CATSPERT: variants seen among roughly 807,000 people sequenced by gnomAD.
The protein encoded by CATSPERT is catsper channel auxiliary subunit tau.
chr2:201,492,917 C>CT, the CATSPERT span: 1 of 1,536,580 alleles, frequency 6.5e-7, no homozygotes, highest in Non-Finnish European at 8.7e-7. Flanking sequence ...ACTTCTGACT[C>CT]TGAGAGTTCT....
chr2:201,573,884 C>T, the CATSPERT span, among the ~76,000 whole-genome samples: 3 of 152,076 alleles, frequency 2.0e-5, no homozygotes, highest in African/African-American at 4.8e-5. Flanking sequence ...CTCGAACTCC[C>T]AGCCTCAGGT....
the CATSPERT span, among the ~76,000 whole-genome samples, chr2:201,585,206 G>C: frequency 6.6e-6 from 1 of 152,012 alleles, no homozygotes; most frequent in East Asian, 1.9e-4. Flanking sequence ...ACACAGGGGA[G>C]GGGAACATCA....
the CATSPERT span, among the ~76,000 whole-genome samples, chr2:201,600,990 T>C: frequency 6.6e-6 from 1 of 152,190 alleles, no homozygotes; most frequent in Admixed American, 6.5e-5. Context: ...CATCAAGTAA[T>C]CTGCCCACTT....
At chr2:201,589,375 C>G in the CATSPERT span, among the ~76,000 whole-genome samples, 1 of 152,164 alleles carries the variant, frequency 6.6e-6, no homozygotes, top group East Asian at 1.9e-4. Flanking sequence ...GCTACGTAAC[C>G]AAAACAGCAT....
chr2:201,573,247 G>A, the CATSPERT span, among the ~76,000 whole-genome samples: 259 of 152,328 alleles, frequency 1.7e-3, 1 homozygote, highest in Non-Finnish European at 7.8e-4. Context: ...AAAAGTATTT[G>A]TGGCAATGTG....
At chr2:201,557,146 G>A in the CATSPERT span, 1 of 152,036 alleles carries the variant, frequency 6.6e-6, no homozygotes, top group African/African-American at 2.4e-5. Flanking sequence ...CTGTACCAGT[G>A]GCACTTTCTG....
chr2:201,586,484 A>T, the CATSPERT span, among the ~76,000 whole-genome samples: 5 of 152,178 alleles, frequency 3.3e-5, no homozygotes, highest in African/African-American at 7.2e-5. Context: ...AACGTTACAT[A>T]CATTAACATT....
the CATSPERT span, among the ~76,000 whole-genome samples, chr2:201,538,557 T>C: frequency 1.3e-5 from 2 of 152,134 alleles, no homozygotes; most frequent in East Asian, 3.8e-4. Flanking sequence ...AACTTTTTCA[T>C]TATTATAATA....
the CATSPERT span, among the ~76,000 whole-genome samples, chr2:201,528,963 G>C: frequency 6.6e-6 from 1 of 151,976 alleles, no homozygotes; most frequent in Admixed American, 6.6e-5. Context: ...TACACAGTGA[G>C]CTAGCTAAAA....
At chr2:201,565,778 G>A in the CATSPERT span, 2 of 1,609,748 alleles carry the variant, frequency 1.2e-6, no homozygotes, top group South Asian at 2.2e-5. Context: ...ACAGATGGCT[G>A]GTTGGAGGAT....
At chr2:201,543,426 A>T in the CATSPERT span, among the ~76,000 whole-genome samples, 1 of 152,212 alleles carries the variant, frequency 6.6e-6, no homozygotes, top group East Asian at 1.9e-4. Context: ...CTGAATCTGT[A>T]GATTGCTTTG....
At chr2:201,584,467 T>C in the CATSPERT span, among the ~76,000 whole-genome samples, 24 of 151,488 alleles carry the variant, frequency 1.6e-4, no homozygotes, top group African/African-American at 4.9e-4. Context: ...ATTAAGAAAA[T>C]GGAGCAGAGA....
chr2:201,573,672 T>C, the CATSPERT span, among the ~76,000 whole-genome samples: 3 of 152,224 alleles, frequency 2.0e-5, no homozygotes, highest in African/African-American at 7.2e-5. Flanking sequence ...TTTATTTTTT[T>C]TTGAGACAGA....
the CATSPERT span, chr2:201,493,753 T>C: frequency 3.0e-4 from 463 of 1,537,262 alleles, no homozygotes; most frequent in Non-Finnish European, 3.8e-4. Flanking sequence ...CCTCATAATG[T>C]AGTCATGTAC....
the CATSPERT span, among the ~76,000 whole-genome samples, chr2:201,560,247 G>A: frequency 4.0e-5 from 6 of 151,854 alleles, no homozygotes; most frequent in African/African-American, 1.5e-4. Context: ...GGCCAATAAG[G>A]CGAAACCCTG....
the CATSPERT span, among the ~76,000 whole-genome samples, chr2:201,505,986 G>A: frequency 1.3e-5 from 2 of 152,134 alleles, no homozygotes; most frequent in Admixed American, 1.3e-4. Flanking sequence ...GCACAAAGCC[G>A]GCCGGGCGCA....
At chr2:201,581,396 TA>T in the CATSPERT span, among the ~76,000 whole-genome samples, 1 of 140,788 alleles carries the variant, frequency 7.1e-6, no homozygotes, top group East Asian at 2.1e-4. Context: ...TGATACAACC[TA>T]AAAGTGTAAG....
chr2:201,611,076 C>T, the CATSPERT span, among the ~76,000 whole-genome samples: 30 of 152,154 alleles, frequency 2.0e-4, no homozygotes, highest in African/African-American at 7.0e-4. Context: ...ACAAGAATGC[C>T]CACTTTCACC....
chr2:201,591,892 C>T, the CATSPERT span, among the ~76,000 whole-genome samples: 2 of 151,822 alleles, frequency 1.3e-5, no homozygotes, highest in Non-Finnish European at 2.9e-5. Flanking sequence ...TGGGCTGAGA[C>T]AATGGGGTTT....
Sources: gnomAD v4.1 joint callset for allele counts (sites outside exome capture counted in the v4.1 genomes callset) on GRCh38, gnomAD v4.1.1 for gene constraint, MANE v1.5 for transcripts, NCBI Gene and HGNC (gene_info 2026-07-23, HGNC 2026-07-21) for gene names.